COLEC10: variants seen among roughly 807,000 people sequenced by gnomAD.
The protein encoded by COLEC10 is collectin subfamily member 10.
Under a neutral mutation model 28.4 loss-of-function variants are expected in COLEC10, and 22 were observed. That is an observed-to-expected ratio of 0.78 (90% confidence interval 0.55 to 1.11). The LOEUF is 1.11. COLEC10 is among the 50% of genes least tolerant of loss of function. The probability of loss-of-function intolerance (pLI) is 0.00; values close to 1 mark genes in which losing one functional copy is unlikely to be tolerated. For missense variants in COLEC10, 361 were observed against 344.1 expected (o/e 1.05, Z -0.39); for synonymous variants, 125 against 116.1 (o/e 1.08, Z -0.49).
intron 1 of COLEC10, among the ~76,000 whole-genome samples, chr8:119,004,556 C>A (rs2130069959): frequency 6.6e-6 from 1 of 150,400 alleles, no homozygotes; most frequent in East Asian, 2.0e-4. Context: ...TATATTCAAG[C>A]ATATATATCA....
intron 1 of COLEC10, among the ~76,000 whole-genome samples, chr8:119,074,777 C>T (rs1815193904): frequency 6.6e-6 from 1 of 152,184 alleles, no homozygotes; most frequent in Admixed American, 6.5e-5. Flanking sequence ...CTTTCTGTAG[C>T]TCTCCAACTG....
At chr8:119,013,935 G>A (rs961418098) in intron 2 of COLEC10, among the ~76,000 whole-genome samples, 4 of 150,494 alleles carry the variant, frequency 2.7e-5, no homozygotes, top group African/African-American at 7.5e-5. Flanking sequence ...TGTTTCACAC[G>A]TAGTGCAAAT....
At chr8:119,009,797 A>T (rs1586995909) in intron 2 of COLEC10, among the ~76,000 whole-genome samples, 1 of 137,790 alleles carries the variant, frequency 7.3e-6, no homozygotes, top group Non-Finnish European at 1.5e-5. Context: ...CAATAGTTAT[A>T]ATAAAAGAGT....
At chr8:118,966,391 C>T in the COLEC10 span, among the ~76,000 whole-genome samples, 1 of 152,034 alleles carries the variant, frequency 6.6e-6, no homozygotes, top group Non-Finnish European at 1.5e-5. Flanking sequence ...CCTACTGTAA[C>T]AACAACGAAA....
At chr8:119,021,508 G>A (rs114323959) in intron 2 of COLEC10, among the ~76,000 whole-genome samples, 2,209 of 152,228 alleles carry the variant, frequency 0.015, 51 homozygotes, top group African/African-American at 0.051. Flanking sequence ...TGCTGGAGCT[G>A]GTAGAGGCCA....
At chr8:118,983,209 A>G in the COLEC10 span, among the ~76,000 whole-genome samples, 1 of 152,220 alleles carries the variant, frequency 6.6e-6, no homozygotes, top group African/African-American at 2.4e-5. Context: ...ACCTCAACTG[A>G]TCAGTTATTT....
At chr8:119,054,349 C>A (rs1158896927) in intron 2 of COLEC10, among the ~76,000 whole-genome samples, 1 of 152,126 alleles carries the variant, frequency 6.6e-6, no homozygotes, top group East Asian at 1.9e-4. Flanking sequence ...TTTAGGAATG[C>A]AACTTGTAAA....
chr8:118,993,949 G>T (rs933291735), upstream of COLEC10, among the ~76,000 whole-genome samples: 10 of 152,136 alleles, frequency 6.6e-5, no homozygotes, highest in African/African-American at 2.4e-4. Flanking sequence ...TAGACCAAGG[G>T]AGTTGCATTT....
At chr8:119,092,601 G>T in intron 3 of COLEC10, among the ~76,000 whole-genome samples, 1 of 152,034 alleles carries the variant, frequency 6.6e-6, no homozygotes, top group East Asian at 1.9e-4. Flanking sequence ...CAGGAAGATA[G>T]AACTTTCTTA....
At chr8:118,971,394 G>C in the COLEC10 span, among the ~76,000 whole-genome samples, 1 of 151,938 alleles carries the variant, frequency 6.6e-6, no homozygotes, top group Non-Finnish European at 1.5e-5. Flanking sequence ...TTTTTGGAAG[G>C]TGGCAGGGGG....
the COLEC10 span, among the ~76,000 whole-genome samples, chr8:118,971,499 C>A: frequency 0.049 from 7,381 of 151,998 alleles, 263 homozygotes; most frequent in East Asian, 0.16. Flanking sequence ...TTAACGGGAA[C>A]ATGAGTGATA....
chr8:119,068,070 C>T (rs1043178852), intron 1 of COLEC10: 2 of 152,098 alleles, frequency 1.3e-5, no homozygotes, highest in Non-Finnish European at 1.5e-5. Flanking sequence ...TTTAAGCAAC[C>T]AGTAGATTTT....
At chr8:118,983,259 C>T in the COLEC10 span, among the ~76,000 whole-genome samples, 1 of 152,124 alleles carries the variant, frequency 6.6e-6, no homozygotes. Context: ...TAAAATCCTT[C>T]CCGAATTTCA....
At chr8:118,969,520 G>A in the COLEC10 span, among the ~76,000 whole-genome samples, 1 of 151,782 alleles carries the variant, frequency 6.6e-6, no homozygotes, top group Non-Finnish European at 1.5e-5. Flanking sequence ...TCTATACTAC[G>A]CCTTTTTCTG....
chr8:119,058,865 T>C (rs1389317615), intron 2 of COLEC10, among the ~76,000 whole-genome samples: 2 of 152,084 alleles, frequency 1.3e-5, no homozygotes, highest in East Asian at 3.8e-4. Context: ...TGACTGTACA[T>C]TTTACATCCA....
At chr8:119,062,832 A>G (rs1279956936), upstream of COLEC10, 5 of 152,192 alleles carry the variant, frequency 3.3e-5, no homozygotes, top group African/African-American at 9.7e-5. Flanking sequence ...TAAAAAAGAA[A>G]TTATTATGTG....
intron 3 of COLEC10, among the ~76,000 whole-genome samples, chr8:119,098,303 A>G (rs1274950650): frequency 1.3e-5 from 2 of 152,118 alleles, no homozygotes; most frequent in Non-Finnish European, 2.9e-5. Context: ...AAGAGTTTTT[A>G]GTACGATTAG....
the COLEC10 span, among the ~76,000 whole-genome samples, chr8:118,967,185 C>G: frequency 6.6e-6 from 1 of 151,972 alleles, no homozygotes; most frequent in African/African-American, 2.4e-5. Flanking sequence ...ATTAAAATCT[C>G]TAGGGTAGGG....
At chr8:119,004,339 A>G (rs1041731838) in intron 1 of COLEC10, among the ~76,000 whole-genome samples, 1 of 151,774 alleles carries the variant, frequency 6.6e-6, no homozygotes, top group African/African-American at 2.4e-5. Flanking sequence ...AGTGTCATAG[A>G]CTTGTGTTAC....
Sources: allele counts gnomAD v4.1 joint callset (sites outside exome capture counted in the v4.1 genomes callset), GRCh38; gene constraint gnomAD v4.1.1; transcripts MANE v1.5; gene names NCBI Gene and HGNC (gene_info 2026-07-23, HGNC 2026-07-21).